Variants in CDH18 observed in about 807,000 individuals in gnomAD.
CDH18 encodes cadherin 18, also known as cadherin-18.
CDH18 carries 31 observed loss-of-function variants against 67.9 expected under a neutral mutation model. The observed-to-expected ratio is 0.46, with a 90% CI of 0.34 to 0.62. The LOEUF is 0.62. Ranked by LOEUF, CDH18 falls within the 20% of genes least tolerant of loss-of-function variation. The pLI is 0.01. For missense variants in CDH18, 890 were observed against 975.5 expected (o/e 0.91, Z 1.17); for synonymous variants, 362 against 347.2 (o/e 1.04, Z -0.48).
chr5:19,651,159 A>T (rs1755513888), intron 5 of CDH18, among the ~76,000 whole-genome samples: 1 of 152,070 alleles, frequency 6.6e-6, no homozygotes, highest in Non-Finnish European at 1.5e-5. Context: ...ACAAGTTATT[A>T]TGGACTCATA....
At chr5:19,480,433 G>C (rs923188839) in intron 12 of CDH18, among the ~76,000 whole-genome samples, 4 of 151,298 alleles carry the variant, frequency 2.6e-5, no homozygotes, top group African/African-American at 4.9e-5. Flanking sequence ...CTGGAGTGCA[G>C]TGGCGCCATC....
Position 19,719,880 on chromosome 5 carries a change from GAA to G in CDH18, c.643+1465_643+1466del, listed in dbSNP as rs1247090417. Among the ~76,000 whole-genome samples the G allele has an allele frequency of 2.1e-5, 3 of 146,022 alleles. No homozygotes were observed. The East Asian group carries it at 6.0e-4, about 29-fold the overall frequency. On this transcript the variant is annotated intron_variant, in intron 5 of 12. Transcript: ENST00000382275. ...GAGAAAGAAAGAAAAGAGAGAGAGA[GAA>G]AGAAAGAAAGAGTTAAGCAAGAGAA...
intron 2 of CDH18, among the ~76,000 whole-genome samples, chr5:19,931,599 G>T (rs767231112): frequency 1.3e-4 from 19 of 151,784 alleles, no homozygotes; most frequent in Non-Finnish European, 2.7e-4. Context: ...GGTGGTGTCT[G>T]GTTAGAGATC....
At chr5:20,134,529 T>C (rs918233967) in intron 2 of CDH18, among the ~76,000 whole-genome samples, 2 of 152,170 alleles carry the variant, frequency 1.3e-5, no homozygotes, top group African/African-American at 4.8e-5. Context: ...ACATCTTTTA[T>C]ATTTTTCTAT....
At chr5:20,263,597 AT>A (rs1744822119) in intron 1 of CDH18, among the ~76,000 whole-genome samples, 1 of 152,180 alleles carries the variant, frequency 6.6e-6, no homozygotes, top group Non-Finnish European at 1.5e-5. Flanking sequence ...TTAAAAAATG[AT>A]TGATGCATGG....
At chr5:19,963,419 C>T (rs1444328805) in intron 2 of CDH18, among the ~76,000 whole-genome samples, 2 of 152,032 alleles carry the variant, frequency 1.3e-5, no homozygotes, top group South Asian at 2.1e-4. Flanking sequence ...TTGCAGTAAT[C>T]GAATTCCCAT....
intron 2 of CDH18, among the ~76,000 whole-genome samples, chr5:19,999,096 G>T (rs1432000358): frequency 1.3e-5 from 2 of 152,066 alleles, no homozygotes; most frequent in Non-Finnish European, 2.9e-5. Context: ...ATAATAAGGT[G>T]CTAAGGAAAA....
intron 2 of CDH18, among the ~76,000 whole-genome samples, chr5:19,926,059 G>A (rs548427256): frequency 3.5e-4 from 53 of 151,476 alleles, no homozygotes; most frequent in Admixed American, 1.8e-3. Flanking sequence ...ATATTTTTAC[G>A]GTACTTCTAA....
chr5:20,403,709 C>T (rs1745983569), intron 1 of CDH18, among the ~76,000 whole-genome samples: 1 of 152,052 alleles, frequency 6.6e-6, no homozygotes, highest in Admixed American at 6.6e-5. Flanking sequence ...AGAACACAGG[C>T]AGAGTAGATT....
intron 1 of CDH18, among the ~76,000 whole-genome samples, chr5:20,359,955 A>T (rs1047587148): frequency 1.3e-5 from 2 of 151,222 alleles, no homozygotes; most frequent in South Asian, 2.1e-4. Flanking sequence ...ATAATCTATT[A>T]AAAAATTTAT....
At chr5:19,841,111 C>T (rs1782269486) in intron 2 of CDH18, among the ~76,000 whole-genome samples, 1 of 152,130 alleles carries the variant, frequency 6.6e-6, no homozygotes, top group Non-Finnish European at 1.5e-5. Context: ...GTATTTCGCT[C>T]CTTAAATGAG....
chr5:19,537,393 CTATT>C (rs997802359), intron 9 of CDH18, among the ~76,000 whole-genome samples: 3 of 152,030 alleles, frequency 2.0e-5, no homozygotes, highest in Non-Finnish European at 4.4e-5. Flanking sequence ...CTCTCTTTCT[CTATT>C]TATCAATCTA....
chr5:20,539,416 G>A, intron 1 of CDH18, among the ~76,000 whole-genome samples: 1 of 152,012 alleles, frequency 6.6e-6, no homozygotes, highest in East Asian at 1.9e-4. Flanking sequence ...GCTTTCAGTA[G>A]TTAAAATGCC....
At chr5:20,498,598 T>C (rs1034282132) in intron 1 of CDH18, among the ~76,000 whole-genome samples, 4 of 152,140 alleles carry the variant, frequency 2.6e-5, no homozygotes, top group Non-Finnish European at 4.4e-5. Context: ...TTTTCATTAA[T>C]TGTATCACTA....
In CDH18 at chr5:19,957,427, C is replaced by CTG. The variant is rs1026427228; in HGVS notation, c.-257+23631_-257+23632dup. Among the ~76,000 whole-genome samples, 9 of 151,324 alleles carry CTG rather than the reference C, an allele frequency of 5.9e-5. No individual in the cohort carries two copies. The South Asian group carries it at 1.7e-3, about 28-fold the overall frequency. On this transcript the variant is annotated intron_variant, in intron 2 of 12. Coordinates refer to ENST00000382275, the MANE Select transcript of CDH18 (RefSeq NM_004934.5). ...TATCAGCTCTATGTGTTATGTATATCTGTGTGTGTATATGTGTTAGGTACA... is the reference window on the plus strand; with the variant it reads ...TATCAGCTCTATGTGTTATGTATATCTGTGTGTGTGTATATGTGTTAGGTACA...
At chr5:19,994,258 T>TACAC in intron 2 of CDH18, among the ~76,000 whole-genome samples, 1 of 148,184 alleles carries the variant, frequency 6.7e-6, no homozygotes, top group East Asian at 2.1e-4. Context: ...TACACATATA[T>TACAC]ACACATATAT....
At chr5:19,800,380 TAATTTTTTTAAG>T (rs1260134415) in intron 3 of CDH18, among the ~76,000 whole-genome samples, 1 of 152,182 alleles carries the variant, frequency 6.6e-6, no homozygotes, top group Non-Finnish European at 1.5e-5. Context: ...AAAATGTATG[TAATTTTTTTAAG>T]AACAATATTA....
intron 2 of CDH18, among the ~76,000 whole-genome samples, chr5:19,890,592 A>G (rs1788680299): frequency 2.9e-5 from 3 of 103,864 alleles, no homozygotes; most frequent in Non-Finnish European, 5.9e-5. Context: ...TTAGCCCAGA[A>G]CACCATTTTT....
At chr5:19,931,230 T>A (rs1436403461) in intron 2 of CDH18, among the ~76,000 whole-genome samples, 1 of 152,012 alleles carries the variant, frequency 6.6e-6, no homozygotes, top group Non-Finnish European at 1.5e-5. Context: ...GATTCTTCAA[T>A]GGCAATTTTA....
Sources: gnomAD v4.1 joint callset for allele counts (sites outside exome capture counted in the v4.1 genomes callset) on GRCh38, gnomAD v4.1.1 for gene constraint, MANE v1.5 for transcripts, NCBI Gene and HGNC (gene_info 2026-07-23, HGNC 2026-07-21) for gene names.